Variants in EDIL3 observed in about 807,000 individuals in gnomAD.
EDIL3 encodes EGF-like repeat and discoidin I-like domain-containing protein 3.
Under a neutral mutation model 67.4 loss-of-function variants are expected in EDIL3, and 37 were observed. That is an observed-to-expected ratio of 0.55 (90% CI 0.42 to 0.72). EDIL3 has a LOEUF of 0.72. Ranked by LOEUF, EDIL3 falls within the 30% of genes least tolerant of loss-of-function variation. The pLI, the probability that EDIL3 is intolerant of heterozygous loss-of-function variation, is 0.00. For synonymous variants in EDIL3, 195 were observed against 196.3 expected (o/e 0.99, Z 0.05); for missense variants, 527 against 586.3 (o/e 0.90, Z 1.04).
intron 9 of EDIL3, among the ~76,000 whole-genome samples, chr5:83,986,846 G>A (rs1745065108): frequency 6.6e-6 from 1 of 152,060 alleles, no homozygotes; most frequent in Admixed American, 6.6e-5. Context: ...TCTTGAAGGG[G>A]CTTTATGGTT....
At chr5:83,952,463 G>T (rs1306914944) in intron 10 of EDIL3, among the ~76,000 whole-genome samples, 9 of 151,742 alleles carry the variant, frequency 5.9e-5, no homozygotes, top group Non-Finnish European at 1.2e-4. Context: ...GATTTTGACT[G>T]CCATAAGAAA....
chr5:84,019,222 A>T (rs1055307068), intron 9 of EDIL3, among the ~76,000 whole-genome samples: 5 of 152,184 alleles, frequency 3.3e-5, no homozygotes, highest in African/African-American at 7.2e-5. Flanking sequence ...GCCATAAAAA[A>T]TGATGAATTC....
At chr5:84,292,825 T>A (rs934316200) in intron 1 of EDIL3, among the ~76,000 whole-genome samples, 3 of 151,980 alleles carry the variant, frequency 2.0e-5, no homozygotes, top group African/African-American at 7.3e-5. Flanking sequence ...ACAGCGAAAG[T>A]GAGACTTTTA....
At chr5:84,335,819 G>T (rs1320193843) in intron 1 of EDIL3, among the ~76,000 whole-genome samples, 2 of 152,106 alleles carry the variant, frequency 1.3e-5, no homozygotes, top group East Asian at 3.9e-4. Context: ...ATAAAGAACA[G>T]AAATTTTTTT....
rs148467085 is a variant in EDIL3, at chr5:84,075,318, G to T, written c.652-8712C>A. The stretch of plus-strand genomic sequence containing the variant: ...TACATATGTAACTAACCTGCACATT[G>T]TGCACATGTACCCTAAAACTTAAAG... On this transcript the variant is annotated intron_variant, in intron 6 of 10. Coordinates refer to ENST00000296591, the MANE Select transcript of EDIL3 (RefSeq NM_005711.5). 3.8e-3 allele frequency among the ~76,000 whole-genome samples: 578 copies of T among 151,762 alleles called. 1 individual carries two copies. The highest frequency in any genetic ancestry group is 6.7e-3 in the Non-Finnish European group (452 of 67,952).
chr5:84,208,135 C>T (rs1167139922), intron 3 of EDIL3, among the ~76,000 whole-genome samples: 15 of 151,960 alleles, frequency 9.9e-5, no homozygotes, highest in Admixed American at 7.9e-4. Context: ...AGAAAATTTT[C>T]GCAACCTACT....
At chr5:84,112,335 A>T (rs1331831549) in intron 5 of EDIL3, among the ~76,000 whole-genome samples, 1 of 152,190 alleles carries the variant, frequency 6.6e-6, no homozygotes, top group Admixed American at 6.5e-5. Flanking sequence ...AGAGTTCAAA[A>T]ATATTTAAGA....
intron 3 of EDIL3, among the ~76,000 whole-genome samples, chr5:84,213,884 T>C (rs1744176702): frequency 6.6e-6 from 1 of 152,172 alleles, no homozygotes; most frequent in Admixed American, 6.5e-5. Context: ...TGAATAACAA[T>C]GCAATAATGA....
chr5:84,058,947 G>A (rs549796249), intron 9 of EDIL3, among the ~76,000 whole-genome samples: 5 of 151,178 alleles, frequency 3.3e-5, no homozygotes, highest in Admixed American at 1.3e-4. Context: ...TTCATAGAAC[G>A]GTAATAGGAG....
At chr5:84,268,102 A>C (rs1231140959) in intron 1 of EDIL3, among the ~76,000 whole-genome samples, 1 of 152,106 alleles carries the variant, frequency 6.6e-6, no homozygotes, top group Non-Finnish European at 1.5e-5. Flanking sequence ...GCGCCACTGC[A>C]CTCCAAGCTG....
At chr5:84,015,916 G>A (rs1745596466) in intron 9 of EDIL3, among the ~76,000 whole-genome samples, 1 of 151,992 alleles carries the variant, frequency 6.6e-6, no homozygotes, top group Non-Finnish European at 1.5e-5. Flanking sequence ...CAGGTTCAGG[G>A]GTGCATGTGA....
rs1481448542 is a variant in EDIL3, at chr5:84,305,966, T to C, written c.68-51754A>G. Among the ~76,000 whole-genome samples the C allele has an allele frequency of 3.9e-5, 6 of 152,114 alleles. No homozygotes were observed. The East Asian group carries it at 1.2e-3, about 29-fold the overall frequency. ...TACACTGTGTGCATATTGTCCTTAC[T>C]TTCATGTCATGTCCCCCCAGATTCT... On this transcript the variant is annotated intron_variant, in intron 1 of 10. Coordinates refer to ENST00000296591, the MANE Select transcript of EDIL3 (RefSeq NM_005711.5).
chr5:84,296,661 T>C (rs933180484), intron 1 of EDIL3, among the ~76,000 whole-genome samples: 2 of 152,198 alleles, frequency 1.3e-5, no homozygotes, highest in African/African-American at 4.8e-5. Context: ...CTCTTTAGTT[T>C]AATTAGATCC....
At chr5:84,370,604 C>T (rs1018289383) in intron 1 of EDIL3, among the ~76,000 whole-genome samples, 4 of 152,172 alleles carry the variant, frequency 2.6e-5, no homozygotes, top group Non-Finnish European at 5.9e-5. Context: ...AGTTTACTGT[C>T]TAGCTCCCAT....
intron 9 of EDIL3, among the ~76,000 whole-genome samples, chr5:84,051,945 G>A (rs970246666): frequency 6.6e-6 from 1 of 152,060 alleles, no homozygotes; most frequent in Non-Finnish European, 1.5e-5. Flanking sequence ...TTCAAATTCA[G>A]GAAATACAGA....
chr5:84,227,817 G>A (rs1744484473), intron 3 of EDIL3, among the ~76,000 whole-genome samples: 1 of 152,008 alleles, frequency 6.6e-6, no homozygotes, highest in South Asian at 2.1e-4. Context: ...AATTAATGCA[G>A]GATCAGAATA....
At chr5:84,282,548 GT>G (rs1167643463) in intron 1 of EDIL3, among the ~76,000 whole-genome samples, 1 of 152,036 alleles carries the variant, frequency 6.6e-6, no homozygotes, top group African/African-American at 2.4e-5. Context: ...AGTTTTTCCT[GT>G]TTTTTGCAAT....
chr5:84,054,523 C>G (rs1300962160), intron 9 of EDIL3, among the ~76,000 whole-genome samples: 2 of 152,156 alleles, frequency 1.3e-5, no homozygotes, highest in African/African-American at 4.8e-5. Context: ...CAAATTGTCC[C>G]TGTTTGCAGA....
At chr5:83,994,133 G>T (rs1167343928) in intron 9 of EDIL3, among the ~76,000 whole-genome samples, 1 of 152,052 alleles carries the variant, frequency 6.6e-6, no homozygotes, top group Non-Finnish European at 1.5e-5. Flanking sequence ...TGTGTACATA[G>T]GCATTTTACG....
Sources: allele counts gnomAD v4.1 joint callset (sites outside exome capture counted in the v4.1 genomes callset), GRCh38; gene constraint gnomAD v4.1.1; transcripts MANE v1.5; gene names NCBI Gene and HGNC (gene_info 2026-07-23, HGNC 2026-07-21).